Variants in MYO18B observed in about 807,000 individuals in gnomAD.
MYO18B encodes myosin XVIIIB, also known as unconventional myosin-XVIIIb.
In MYO18B, 204 loss-of-function variants were observed where a neutral mutation model predicts 273.0. That is an observed-to-expected ratio of 0.75 (90% confidence interval 0.67 to 0.84). The LOEUF is 0.84. Ranked by LOEUF, MYO18B falls within the 40% of genes least tolerant of loss-of-function variation. The pLI is 0.00. For missense variants in MYO18B, 3,212 were observed against 3,287.6 expected, an observed-to-expected ratio of 0.98 and a Z score of 0.56; for synonymous variants, 1,330 against 1,305.7, an observed-to-expected ratio of 1.02 and a Z score of -0.40.
chr22:26,010,839 T>C (rs1259301460), intron 42 of MYO18B, among the ~76,000 whole-genome samples: 2 of 151,968 alleles, frequency 1.3e-5, no homozygotes, highest in Admixed American at 1.3e-4. Flanking sequence ...CTCTTGGCAG[T>C]GAAAGTGGAG....
intron 9 of MYO18B, among the ~76,000 whole-genome samples, chr22:25,781,507 G>A (rs1220957514): frequency 6.6e-6 from 1 of 152,036 alleles, no homozygotes; most frequent in Non-Finnish European, 1.5e-5. Context: ...CTACTCGGGA[G>A]GCTGAGGCAG....
chr22:25,832,725 A>G (rs1343806987), intron 15 of MYO18B, among the ~76,000 whole-genome samples, 192 bp from the exon 16 acceptor site: 1 of 152,162 alleles, frequency 6.6e-6, no homozygotes, highest in Admixed American at 6.5e-5. Flanking sequence ...ACCTTATACC[A>G]CTGAAATGTA....
intron 11 of MYO18B, among the ~76,000 whole-genome samples, chr22:25,788,449 A>G (rs2087494039): frequency 1.3e-5 from 2 of 152,210 alleles, no homozygotes; most frequent in South Asian, 2.1e-4. Context: ...CATGTCCCAA[A>G]TATTGCACAG....
At chr22:25,911,153 C>G (rs981793936) in intron 33 of MYO18B, 103 bp downstream of exon 33, 1 of 838,486 alleles carries the variant, frequency 1.2e-6, no homozygotes, top group Admixed American at 2.1e-5. Flanking sequence ...TCTCCTCCAT[C>G]AGCTCTGTTC....
At chr22:25,760,411 C>CA (rs60732274) in intron 1 of MYO18B, among the ~76,000 whole-genome samples, 149 of 60,842 alleles carry the variant, frequency 2.4e-3, no homozygotes, top group Middle Eastern at 9.4e-3. Context: ...GACTCCATCT[C>CA]AAAAAAAAAA....
intron 33 of MYO18B, among the ~76,000 whole-genome samples, chr22:25,917,545 G>GGTGTGTGTGTGTGT (rs3070569): frequency 1.8e-4 from 26 of 142,246 alleles, no homozygotes; most frequent in African/African-American, 5.0e-4. Flanking sequence ...GCTTTGTAGG[G>GGTGTGTGTGTGTGT]GTGTGTGTGT....
At chr22:26,034,523 G>A (rs1424454197), downstream of MYO18B, among the ~76,000 whole-genome samples, 1 of 152,110 alleles carries the variant, frequency 6.6e-6, no homozygotes, top group Non-Finnish European at 1.5e-5. Context: ...GTAAATGGTG[G>A]CATCATTGTT....
At chr22:25,817,996 A>G (rs1429925077) in intron 12 of MYO18B, among the ~76,000 whole-genome samples, 4 of 152,172 alleles carry the variant, frequency 2.6e-5, no homozygotes, top group Non-Finnish European at 2.9e-5. Context: ...CTGTGGGCCC[A>G]TCTGCCATGG....
chr22:25,759,448 A>G (rs1482873993), intron 1 of MYO18B, among the ~76,000 whole-genome samples: 1 of 151,914 alleles, frequency 6.6e-6, no homozygotes, highest in Admixed American at 6.6e-5. Flanking sequence ...GCACGTTCTC[A>G]CTCAAATAGG....
At chr22:25,877,725 C>T (rs1601437215) in intron 24 of MYO18B, among the ~76,000 whole-genome samples, 1 of 152,170 alleles carries the variant, frequency 6.6e-6, no homozygotes, top group East Asian at 1.9e-4. Flanking sequence ...GCCTCAGCCT[C>T]CCAAAGTGCT....
chr22:25,886,583 G>A (rs535301370), intron 25 of MYO18B, among the ~76,000 whole-genome samples: 2 of 152,176 alleles, frequency 1.3e-5, no homozygotes, highest in Non-Finnish European at 2.9e-5. Context: ...CAGCAAGGGT[G>A]GTTGAGGTCC....
intron 39 of MYO18B, among the ~76,000 whole-genome samples, chr22:25,989,699 G>A (rs2093242443): frequency 6.8e-6 from 1 of 146,614 alleles, no homozygotes; most frequent in Non-Finnish European, 1.5e-5. Flanking sequence ...TTGGGAGGCT[G>A]AGGCAGGAGA....
At chr22:25,921,480 C>G in intron 34 of MYO18B, 71 bp downstream of exon 34, 1 of 1,523,920 alleles carries the variant, frequency 6.6e-7, no homozygotes, top group Non-Finnish European at 8.9e-7. Flanking sequence ...ATTGCTGTCC[C>G]TCCCAGGTAT....
chr22:25,920,212 A>G (rs572991804), intron 33 of MYO18B, among the ~76,000 whole-genome samples: 32 of 152,294 alleles, frequency 2.1e-4, no homozygotes, highest in African/African-American at 6.7e-4. Flanking sequence ...GTGTTGAGGC[A>G]TCTGCACCCT....
intron 21 of MYO18B, among the ~76,000 whole-genome samples, chr22:25,857,810 C>T (rs554076396): frequency 3.9e-5 from 6 of 152,306 alleles, no homozygotes; most frequent in South Asian, 4.2e-4. Flanking sequence ...TGCGCCACCA[C>T]GCCAGGCTAA....
At chr22:25,817,950 G>T (rs866754278) in intron 12 of MYO18B, among the ~76,000 whole-genome samples, 6 of 152,298 alleles carry the variant, frequency 3.9e-5, no homozygotes, top group Middle Eastern at 3.4e-3. Flanking sequence ...CTCCAGGAGG[G>T]CAGTGAGGAA....
Position 25,761,119 on chromosome 22 carries a change from G to A in MYO18B, c.27G>A (p.Leu9=). The stretch of plus-strand genomic sequence containing the variant: ...TGGCCATCTCATCACGCCTCGCCCT[G>A]TGGGAGCAGAAGGAAAGTGACACTC... MAISSRLA[L]WEQKIREEDK... The change falls in exon 2 of 44, where the codon CTG becomes CTA. Residue 9 remains leucine (L), a synonymous_variant. Coordinates refer to ENST00000335473, the MANE Select transcript of MYO18B (RefSeq NM_032608.7). The A allele has an allele frequency of 1.9e-6, 3 of 1,613,468 alleles. No homozygotes were observed. Among genetic ancestry groups the A allele is most frequent in the Non-Finnish European group, 2.5e-6 (3 of 1,179,906 alleles).
intron 12 of MYO18B, among the ~76,000 whole-genome samples, chr22:25,822,214 C>T (rs1040121721): frequency 2.0e-5 from 3 of 152,216 alleles, no homozygotes; most frequent in African/African-American, 7.2e-5. Flanking sequence ...GGCCTTTGCA[C>T]TGCCTCCTTC....
chr22:25,873,533 C>T (rs778843752), intron 22 of MYO18B, among the ~76,000 whole-genome samples: 20 of 152,292 alleles, frequency 1.3e-4, no homozygotes, highest in East Asian at 1.9e-4. Flanking sequence ...TTCTGCCTCC[C>T]GGGTTCAAGC....
Sources: allele counts gnomAD v4.1 joint callset (sites outside exome capture counted in the v4.1 genomes callset), GRCh38; gene constraint gnomAD v4.1.1; transcripts MANE v1.5; gene names NCBI Gene and HGNC (gene_info 2026-07-23, HGNC 2026-07-21).